MCF2: variants seen among roughly 807,000 people sequenced by gnomAD.
MCF2 encodes the protein proto-oncogene DBL.
In MCF2, 44 loss-of-function variants were observed where a neutral mutation model predicts 82.5. The observed-to-expected ratio is 0.53, with a 90% CI of 0.42 to 0.69. The LOEUF (loss-of-function observed/expected upper bound fraction) is 0.69. Among genes scored for constraint, MCF2 ranks in the 30% least tolerant of loss-of-function variants. The pLI is 0.00. For missense variants in MCF2, 623 were observed against 663.1 expected, an observed-to-expected ratio of 0.94 and a Z score of 0.66; for synonymous variants, 217 against 224.9, an observed-to-expected ratio of 0.96 and a Z score of 0.32.
chrX:139,582,358 C>T, exon 25 of MCF2: 1 of 804,824 alleles, frequency 1.2e-6, no homozygotes, highest in Non-Finnish European at 1.9e-6. Context: ...TGTCCATTAA[C>T]CTGAAAACAA....
At chrX:139,590,479 T>A (rs762697180) in intron 19 of MCF2, among the ~76,000 whole-genome samples, 74 of 107,782 alleles carry the variant, frequency 6.9e-4, no homozygotes, top group South Asian at 4.3e-3. Flanking sequence ...AAAAAAAAAA[T>A]AATAATAATA....
chrX:139,671,850 G>A (rs1196386961), intron 1 of MCF2, among the ~76,000 whole-genome samples: 1 of 111,942 alleles, frequency 8.9e-6, no homozygotes, highest in African/African-American at 3.3e-5. Context: ...ATTCTGTGAA[G>A]AAAGTCATTG....
intron 1 of MCF2, among the ~76,000 whole-genome samples, chrX:139,679,627 A>G (rs1053453166): frequency 1.8e-5 from 2 of 110,954 alleles, no homozygotes; most frequent in South Asian, 7.9e-4. Context: ...TAAGTGTTAC[A>G]GTAGTATTGA....
chrX:139,590,299 A>G (rs1049230344), intron 19 of MCF2, among the ~76,000 whole-genome samples: 1 of 111,197 alleles, frequency 9.0e-6, no homozygotes, highest in Non-Finnish European at 1.9e-5. Flanking sequence ...ACTGAAAATT[A>G]ATTTAAATAG....
intron 13 of MCF2, among the ~76,000 whole-genome samples, chrX:139,605,493 G>A (rs1185347183): frequency 9.0e-6 from 1 of 111,260 alleles, no homozygotes; most frequent in Non-Finnish European, 1.9e-5. Flanking sequence ...TTTCTCTTCT[G>A]TAATAAATTC....
chrX:139,609,254 G>C (rs993745241), intron 11 of MCF2, among the ~76,000 whole-genome samples: 9 of 112,433 alleles, frequency 8.0e-5, no homozygotes, highest in African/African-American at 2.9e-4. Flanking sequence ...GAAAATGTGG[G>C]GTCTTGGGGA....
At chrX:139,596,289 G>A (rs1355206323) in intron 19 of MCF2, among the ~76,000 whole-genome samples, 1 of 111,358 alleles carries the variant, frequency 9.0e-6, no homozygotes, top group African/African-American at 3.3e-5. Context: ...TCTTCAGGAC[G>A]CTAGGGAGCC....
intron 1 of MCF2, among the ~76,000 whole-genome samples, chrX:139,692,769 T>C (rs1177635127): frequency 8.9e-6 from 1 of 112,313 alleles, no homozygotes; most frequent in African/African-American, 3.2e-5. Flanking sequence ...GGCTGCTGTC[T>C]TTGCCCGAAG....
chrX:139,586,706 G>A (rs1433417471), intron 22 of MCF2, among the ~76,000 whole-genome samples: 2 of 111,059 alleles, frequency 1.8e-5, no homozygotes, highest in South Asian at 3.8e-4. Flanking sequence ...ATTATGTAAG[G>A]AGAAAAACTA....
intron 19 of MCF2, among the ~76,000 whole-genome samples, chrX:139,593,777 C>G (rs6635889): frequency 0.016 from 1,809 of 110,782 alleles, 33 homozygotes; most frequent in African/African-American, 0.056. Context: ...CAGAACCAAA[C>G]ACAAAAACCA....
chrX:139,603,927 C>T (rs1930766979), intron 15 of MCF2, among the ~76,000 whole-genome samples: 1 of 112,418 alleles, frequency 8.9e-6, no homozygotes, highest in Non-Finnish European at 1.9e-5. Flanking sequence ...CTTCTCATTT[C>T]ATAAACACTT....
At chrX:139,630,201 G>T (rs1932876739) in intron 3 of MCF2, among the ~76,000 whole-genome samples, 1 of 111,541 alleles carries the variant, frequency 9.0e-6, no homozygotes, top group Non-Finnish European at 1.9e-5. Flanking sequence ...TCTCCAATTG[G>T]CAAAATTGCC....
chrX:139,628,129 A>G (rs967405989), intron 4 of MCF2, among the ~76,000 whole-genome samples: 1 of 111,895 alleles, frequency 8.9e-6, no homozygotes, highest in Non-Finnish European at 1.9e-5. Flanking sequence ...TACTGGGTTT[A>G]TACCCAAAGG....
chrX:139,694,985 T>C (rs1213987740), intron 1 of MCF2, among the ~76,000 whole-genome samples: 1 of 108,689 alleles, frequency 9.2e-6, no homozygotes, highest in Non-Finnish European at 1.9e-5. Flanking sequence ...GATGTTACCA[T>C]TGGGGGAAAC....
chrX:139,625,252 T>C (rs1404813772), intron 6 of MCF2, among the ~76,000 whole-genome samples: 5 of 111,468 alleles, frequency 4.5e-5, no homozygotes. Flanking sequence ...CAAATTAATA[T>C]GTAAGTATAA....
intron 19 of MCF2, among the ~76,000 whole-genome samples, chrX:139,590,469 A>G (rs1337989772): frequency 1.0e-5 from 1 of 99,322 alleles, no homozygotes; most frequent in Non-Finnish European, 2.0e-5. Flanking sequence ...TGGCCTTTCT[A>G]AAAAAAAAAT....
At chrX:139,624,300 G>A (rs973515409) in intron 6 of MCF2, among the ~76,000 whole-genome samples, 2 of 111,036 alleles carry the variant, frequency 1.8e-5, no homozygotes, top group Non-Finnish European at 3.8e-5. Context: ...CAGCACTTTG[G>A]GAGGCTGAGG....
chrX:139,607,850 C>T, intron 11 of MCF2, 71 bp from the exon 16 acceptor site: 1 of 668,407 alleles, frequency 1.5e-6, no homozygotes, highest in East Asian at 3.4e-5. Flanking sequence ...CGATCCAGCT[C>T]AAATTAAGTT....
At chrX:139,664,280 G>A (rs1471466850) in intron 1 of MCF2, among the ~76,000 whole-genome samples, 1 of 109,984 alleles carries the variant, frequency 9.1e-6, no homozygotes, top group East Asian at 2.8e-4. Context: ...TAGGATTACA[G>A]GCATTGAGCC....
Sources: allele counts gnomAD v4.1 joint callset (sites outside exome capture counted in the v4.1 genomes callset), GRCh38; gene constraint gnomAD v4.1.1; transcripts MANE v1.5; gene names NCBI Gene and HGNC (gene_info 2026-07-23, HGNC 2026-07-21).